EYS: variants seen among roughly 807,000 people sequenced by gnomAD.
The protein encoded by EYS is EGF-like photoreceptor maintenance factor, also known as protein eyes shut homolog.
In EYS, 250 loss-of-function variants were observed where a neutral mutation model predicts 282.1. That is an observed-to-expected ratio of 0.89 (90% CI 0.80 to 0.98). The LOEUF is 0.98. Among genes scored for constraint, EYS ranks in the 50% least tolerant of loss-of-function variants. The pLI, the probability that EYS is intolerant of heterozygous loss-of-function variation, is 0.00. For missense variants in EYS, 4,016 were observed against 3,709.0 expected (o/e 1.08, Z -2.15); for synonymous variants, 1,355 against 1,282.9 (o/e 1.06, Z -1.20).
At chr6:65,422,048 C>T (rs557596413) in intron 5 of EYS, among the ~76,000 whole-genome samples, 3 of 151,968 alleles carry the variant, frequency 2.0e-5, no homozygotes, top group South Asian at 4.1e-4. Flanking sequence ...GCTGATAGAT[C>T]GGCTTGACTC....
intron 14 of EYS, among the ~76,000 whole-genome samples, chr6:64,960,935 G>A (rs1229855316): frequency 1.3e-5 from 2 of 152,128 alleles, no homozygotes; most frequent in East Asian, 3.9e-4. Flanking sequence ...GGGTTAGTTT[G>A]CTAAAGATAA....
At chr6:63,886,094 T>A (rs148437878) in intron 35 of EYS, among the ~76,000 whole-genome samples, 1 of 152,352 alleles carries the variant, frequency 6.6e-6, no homozygotes, top group African/African-American at 2.4e-5. Flanking sequence ...GAATGGGAAC[T>A]TGATGCTCAA....
chr6:63,805,985 C>G (rs544678505), intron 37 of EYS, among the ~76,000 whole-genome samples: 4 of 152,256 alleles, frequency 2.6e-5, no homozygotes, highest in Non-Finnish European at 5.9e-5. Context: ...TACAGTAGCC[C>G]TGATGCAAAG....
At chr6:65,215,012 T>A (rs1766276146) in intron 12 of EYS, among the ~76,000 whole-genome samples, 1 of 152,158 alleles carries the variant, frequency 6.6e-6, no homozygotes, top group Non-Finnish European at 1.5e-5. Flanking sequence ...ATATACAAAG[T>A]ACCTGCTTAC....
At chr6:64,394,261 C>A (rs1240182005) in intron 28 of EYS, among the ~76,000 whole-genome samples, 4 of 152,156 alleles carry the variant, frequency 2.6e-5, no homozygotes, top group Non-Finnish European at 4.4e-5. Flanking sequence ...TGCCTTTCTT[C>A]ACAGAATTGG....
chr6:64,439,444 T>C (rs1774861976), intron 26 of EYS, 92 bp from the exon 27 acceptor site: 2 of 798,888 alleles, frequency 2.5e-6, no homozygotes, highest in Non-Finnish European at 3.7e-6. Context: ...TTTTCTCTAA[T>C]GACTCATACG....
chr6:64,581,170 G>A (rs1766051331), intron 26 of EYS, among the ~76,000 whole-genome samples: 1 of 152,126 alleles, frequency 6.6e-6, no homozygotes. Flanking sequence ...TTAAAGATGA[G>A]TGGAAAGAGA....
intron 12 of EYS, among the ~76,000 whole-genome samples, chr6:65,095,671 T>C (rs1774717822): frequency 1.3e-5 from 2 of 150,890 alleles, no homozygotes; most frequent in South Asian, 4.2e-4. Context: ...ATTAATTCTT[T>C]TCGTTAACAG....
chr6:64,125,785 C>CAAAAAAAA lies in EYS; in HGVS notation c.6425-43791_6425-43784dup, dbSNP rs920132590. Among the ~76,000 whole-genome samples, 120 of 50,014 alleles carry CAAAAAAAA rather than the reference C, an allele frequency of 2.4e-3. 2 individuals are homozygous for CAAAAAAAA. Among genetic ancestry groups the CAAAAAAAA allele is most frequent in the African/African-American group, 7.2e-3 (114 of 15,812 alleles). 32.8% of individuals were successfully genotyped at this position (50,014 alleles called of 152,430 possible). ...TGGGCGACAGAGCAAGACTCCGTCT[C>CAAAAAAAA]AAAAAAAAAAAAAAAAAAAAAAAAG... On this transcript the variant is annotated intron_variant, in intron 31 of 42. Transcript: ENST00000503581.
chr6:65,616,997 A>G (rs1766224251), intron 2 of EYS, among the ~76,000 whole-genome samples: 1 of 152,180 alleles, frequency 6.6e-6, no homozygotes, highest in Non-Finnish European at 1.5e-5. Flanking sequence ...ACAAATAAAA[A>G]TTAAACATCA....
chr6:65,617,181 A>G (rs1488578642), intron 2 of EYS, among the ~76,000 whole-genome samples: 3 of 152,112 alleles, frequency 2.0e-5, no homozygotes, highest in African/African-American at 7.2e-5. Flanking sequence ...ATGTATAACT[A>G]AGAAATGTTG....
At chr6:64,584,336 A>G (rs979271145) in intron 26 of EYS, among the ~76,000 whole-genome samples, 1 of 151,812 alleles carries the variant, frequency 6.6e-6, no homozygotes, top group African/African-American at 2.4e-5. Flanking sequence ...GAGAGAAACA[A>G]TTTTCCATGT....
At chr6:65,233,454 G>C (rs1582046567) in intron 12 of EYS, among the ~76,000 whole-genome samples, 5 of 152,138 alleles carry the variant, frequency 3.3e-5, no homozygotes, top group Middle Eastern at 3.4e-3. Flanking sequence ...TTTAATCTTT[G>C]AGTCTAATAT....
intron 12 of EYS, among the ~76,000 whole-genome samples, chr6:65,166,736 C>G (rs1764982319): frequency 6.6e-6 from 1 of 150,946 alleles, no homozygotes; most frequent in African/African-American, 2.4e-5. Flanking sequence ...AGGACACCAT[C>G]AGAAAAGTGT....
chr6:64,320,188 TAG>T (rs1363832688), intron 29 of EYS, among the ~76,000 whole-genome samples: 1 of 152,132 alleles, frequency 6.6e-6, no homozygotes, highest in East Asian at 1.9e-4. Context: ...AATTTTTTAT[TAG>T]GTTTTATTAA....
At chr6:64,082,040 T>A in intron 31 of EYS, 38 bp from the exon 32 acceptor site, 1 of 1,331,922 alleles carries the variant, frequency 7.5e-7, no homozygotes. Flanking sequence ...TCTGATAGCA[T>A]TATATTGCTA....
intron 2 of EYS, among the ~76,000 whole-genome samples, chr6:65,607,399 C>T (rs1315720813): frequency 1.3e-5 from 2 of 151,784 alleles, no homozygotes; most frequent in African/African-American, 4.8e-5. Flanking sequence ...CCTTTGTGCT[C>T]TTGACAACTT....
chr6:63,918,594 T>C (rs534396700), intron 35 of EYS, among the ~76,000 whole-genome samples: 1 of 152,224 alleles, frequency 6.6e-6, no homozygotes, highest in African/African-American at 2.4e-5. Context: ...GGTCATGCAG[T>C]ATCAGTAAAG....
intron 35 of EYS, among the ~76,000 whole-genome samples, chr6:63,979,966 T>C (rs1490909807): frequency 6.6e-6 from 1 of 151,948 alleles, no homozygotes; most frequent in Non-Finnish European, 1.5e-5. Context: ...ATTTGTCTTC[T>C]TGTAAGCAGA....
Sources: gnomAD v4.1 joint callset for allele counts (sites outside exome capture counted in the v4.1 genomes callset) on GRCh38, gnomAD v4.1.1 for gene constraint, MANE v1.5 for transcripts, NCBI Gene and HGNC (gene_info 2026-07-23, HGNC 2026-07-21) for gene names.